The following FGFR1 variants were observed in gnomAD, a reference collection of about 807,000 sequenced individuals.
FGFR1 encodes the protein FGFR1/PLAG1 fusion.
A neutral mutation model predicts 93.7 loss-of-function variants in FGFR1; 18 were observed. The ratio of observed to expected loss-of-function variants is 0.19; its 90% CI spans 0.13 to 0.28. FGFR1 has a LOEUF of 0.28. Ranked by LOEUF, FGFR1 falls within the 10% of genes least tolerant of loss-of-function variation. The pLI, the probability that FGFR1 is intolerant of heterozygous loss-of-function variation, is 1.00. For synonymous variants in FGFR1, 448 were observed against 429.3 expected (o/e 1.04, Z -0.54); for missense variants, 731 against 1,080.4 (o/e 0.68, Z 4.53).
chr8:38,425,498 A>G (rs1037527421), intron 6 of FGFR1, among the ~76,000 whole-genome samples: 10 of 152,044 alleles, frequency 6.6e-5, no homozygotes, highest in Non-Finnish European at 1.2e-4. Context: ...TTCTTAGACC[A>G]TATCATCATA....
intron 2 of FGFR1, among the ~76,000 whole-genome samples, chr8:38,438,835 C>T (rs906839750): frequency 2.0e-5 from 3 of 152,152 alleles, no homozygotes; most frequent in East Asian, 3.9e-4. Context: ...TACCTCCTCC[C>T]GTGAGATTCT....
At chr8:38,455,375 G>A (rs754289467) in intron 2 of FGFR1, among the ~76,000 whole-genome samples, 1 of 152,282 alleles carries the variant, frequency 6.6e-6, no homozygotes, top group Admixed American at 6.5e-5. Context: ...CTGCCTCCCG[G>A]GTTCACGCCA....
At position 38,414,868 on chromosome 8, in the gene FGFR1, G is replaced by A. The variant is rs746123129; in HGVS notation, c.1888C>T (p.Leu630=). The change falls in exon 14 of 18, where the codon CTG becomes TTG. Residue 630 remains leucine (L), a synonymous_variant. Transcript: ENST00000447712. ...IHRDLAARNV[L]VTEDNVMKIA... is the part of the protein sequence containing the mutation. Reference sequence around the variant, plus strand: ...TTCATCACATTGTCCTCTGTCACCAGGACATTCCTGGCTGCCAGGTCTCGG... The same window carrying A: ...TTCATCACATTGTCCTCTGTCACCAAGACATTCCTGGCTGCCAGGTCTCGG... 119 of 1,613,346 alleles carry A rather than the reference G, an allele frequency of 7.4e-5. No homozygotes were observed. The Admixed American group carries it at 1.9e-3, about 26-fold the overall frequency.
rs58594253 is a variant in FGFR1, at chr8:38,423,312, G to GTTTTT, written c.936+1192_936+1196dup. 121 of 360,978 alleles carry GTTTTT rather than the reference G, an allele frequency of 3.4e-4. 1 individual carries two copies. Among genetic ancestry groups the GTTTTT allele is most frequent in the Middle Eastern group, 8.4e-4 (1 of 1,194 alleles). The allele number at this position is 360,978 out of a possible 1,614,324, so 22.4% of individuals were successfully genotyped here. On this transcript the variant is annotated intron_variant, in intron 7 of 17. Coordinates refer to ENST00000447712, the MANE Select transcript of FGFR1 (RefSeq NM_023110.3). ...TGAGATTTATTACCTTTCCCTTTTA[G>GTTTTT]TTTTTTTTTTTTTTTTTTTTTTTAA...
chr8:38,415,342 G>A (rs752377260), intron 13 of FGFR1, among the ~76,000 whole-genome samples: 2 of 152,096 alleles, frequency 1.3e-5, no homozygotes, highest in Non-Finnish European at 2.9e-5. Context: ...CGCCCCGGCT[G>A]GGGTGCAGTG....
In FGFR1 at chr8:38,426,842, G is replaced by A. The variant is rs2150885238; in HGVS notation, c.622-597C>T. Among the ~76,000 whole-genome samples the A allele has an allele frequency of 6.6e-6, 1 of 152,342 alleles. No homozygotes were observed. The highest frequency in any genetic ancestry group is 2.4e-5 in the African/African-American group (1 of 41,592). Reference sequence around the variant, plus strand: ...TTTAAAATATTTCTGGCTGGGTGCGGTGGCTCAAGCCTGTAATCCCAGCTC... The same window carrying A: ...TTTAAAATATTTCTGGCTGGGTGCGATGGCTCAAGCCTGTAATCCCAGCTC... On this transcript the variant is annotated intron_variant, in intron 5 of 17. Transcript: ENST00000447712. This position sits in a 1 kb window ranked among gnomAD's most constrained non-coding sequence, Gnocchi z 4.1.
intron 2 of FGFR1, chr8:38,430,236 A>ACC: frequency 2.2e-6 from 1 of 462,042 alleles, no homozygotes; most frequent in Non-Finnish European, 3.9e-6. Context: ...CATTAAGCGC[A>ACC]TTTCATTTCC....
Position 38,413,538 on chromosome 8 carries a change from G to A in FGFR1, c.*90C>T. 7.0e-7 allele frequency: 1 copy of A among 1,421,316 alleles called. No individual in the cohort carries two copies. The highest frequency in any genetic ancestry group is 9.5e-7 in the Non-Finnish European group (1 of 1,048,996). The allele number at this position is 1,421,316 out of a possible 1,614,324, so 88.0% of individuals were successfully genotyped here. ...GCCGGCTCCTGCCAGCAGGAAAGGG[G>A]ACAGGGACGGACAGGTGGTGGGCCC... On this transcript the variant is annotated 3_prime_UTR_variant, in exon 18 of 18. Transcript: ENST00000447712. The surrounding 1 kb of genome is among the most constrained non-coding windows in gnomAD (Gnocchi z 4.2).
chr8:38,433,177 A>G (rs971813318), intron 2 of FGFR1, among the ~76,000 whole-genome samples: 18 of 152,150 alleles, frequency 1.2e-4, no homozygotes, highest in Non-Finnish European at 2.4e-4. Context: ...GTCTCTACAA[A>G]AAAATTTAAA....
chr8:38,431,660 C>G (rs565900423), intron 2 of FGFR1, among the ~76,000 whole-genome samples: 3 of 152,234 alleles, frequency 2.0e-5, no homozygotes, highest in South Asian at 4.2e-4. Flanking sequence ...CTTGGGGGGG[C>G]CAAGGTTGCA....
At position 38,424,429 on chromosome 8, in the gene FGFR1, C is replaced by G; in HGVS notation, c.936+80G>C. On this transcript the variant is annotated intron_variant, in intron 7 of 17. Coordinates refer to ENST00000447712, the MANE Select transcript of FGFR1 (RefSeq NM_023110.3). The surrounding 1 kb of genome is among the most constrained non-coding windows in gnomAD (Gnocchi z 4.3). ...TGATCCCATTCGGGGGCAACTGAGC[C>G]TGCCCACAGGAACTTGAGCCCCCGA... The G allele has an allele frequency of 6.6e-7, 1 of 1,520,668 alleles. No homozygotes were observed. The highest frequency in any genetic ancestry group is 1.1e-5 in the South Asian group (1 of 88,638). 94.2% of individuals were successfully genotyped at this position (1,520,668 alleles called of 1,614,324 possible). A position where few individuals can be genotyped will look rare whatever the true frequency, so the allele number is the denominator to read the frequency against.
rs776831114 is a variant in FGFR1, at chr8:38,426,291, T to G, written c.622-46A>C. ...GATACATTGAGGGTCCAGAGGAAAATGCAGGCCCCATGACAATGTCGGCAC... is the reference window on the plus strand; with the variant it reads ...GATACATTGAGGGTCCAGAGGAAAAGGCAGGCCCCATGACAATGTCGGCAC... On this transcript the variant is annotated intron_variant, in intron 5 of 17. Transcript: ENST00000447712. This position sits in a 1 kb window ranked among gnomAD's most constrained non-coding sequence, Gnocchi z 4.1. 1 of 1,612,442 alleles carries G rather than the reference T, an allele frequency of 6.2e-7. No individual in the cohort carries two copies. The highest frequency in any genetic ancestry group is 8.5e-7 in the Non-Finnish European group (1 of 1,179,740).
intron 2 of FGFR1, among the ~76,000 whole-genome samples, chr8:38,441,608 T>C (rs1228137608): frequency 1.3e-5 from 2 of 152,204 alleles, no homozygotes; most frequent in East Asian, 3.8e-4. Context: ...AGCATTGCTC[T>C]GGAAAGAGGG....
rs779380483 is a variant in FGFR1, at chr8:38,424,591, G to C, written c.854C>G (p.Pro285Arg). 1 of 1,614,224 alleles carries C rather than the reference G, an allele frequency of 6.2e-7. No homozygotes were observed. Among genetic ancestry groups the C allele is most frequent in the Non-Finnish European group, 8.5e-7 (1 of 1,180,050 alleles). ...GATGTGCTTTAGCCACTGGATGTGC[G>C]GCTGCGGGTCACTGTACACCTTACA... Reference protein sequence around the residue: ...FMCKVYSDPQPHIQWLKHIEV... With the variant: ...FMCKVYSDPQRHIQWLKHIEV... Residue 285 changes from proline (P) to arginine (R), a missense_variant, in exon 7 of 18, where the codon CCG becomes CGG. Around this residue, in one of 10 missense-constraint regions of FGFR1, gnomAD observed 109 missense variants for 249.4 expected, o/e 0.44. Transcript: ENST00000447712. The surrounding 1 kb of genome is among the most constrained non-coding windows in gnomAD (Gnocchi z 4.3).
chr8:38,445,736 A>G (rs1829077793), intron 2 of FGFR1, among the ~76,000 whole-genome samples: 1 of 149,478 alleles, frequency 6.7e-6, no homozygotes, highest in Non-Finnish European at 1.5e-5. Flanking sequence ...TTTAGTAGAG[A>G]CACTATGTTG....
chr8:38,467,860 G>A (rs1004856414), intron 1 of FGFR1, 121 bp downstream of exon 1: 1 of 229,602 alleles, frequency 4.4e-6, no homozygotes, highest in African/African-American at 2.2e-5. Context: ...GCGGCGAGCG[G>A]AGGGAGGCGC....
intron 2 of FGFR1, among the ~76,000 whole-genome samples, chr8:38,433,763 T>C (rs566640035): frequency 6.6e-6 from 1 of 152,380 alleles, no homozygotes; most frequent in South Asian, 2.1e-4. Context: ...TGTTTCTATT[T>C]TATTTAAACA....
chr8:38,411,913 G>T lies in FGFR1; in HGVS notation c.*1715C>A. The stretch of plus-strand genomic sequence containing the variant: ...ATGGATACAGGAAGGACGATCTGGG[G>T]AGGCATACCAACAAGAAACGAAGCC... On this transcript the variant is annotated 3_prime_UTR_variant, in exon 18 of 18. Coordinates refer to ENST00000447712, the MANE Select transcript of FGFR1 (RefSeq NM_023110.3). 4.4e-6 allele frequency: 1 copy of T among 229,778 alleles called. No homozygotes were observed. The highest frequency in any genetic ancestry group is 8.6e-6 in the Non-Finnish European group (1 of 115,822). The allele number at this position is 229,778 out of a possible 1,614,324, so 14.2% of individuals were successfully genotyped here.
chr8:38,419,802 T>C lies in FGFR1; in HGVS notation c.1082-67A>G, dbSNP rs1040544671. 9 of 1,409,110 alleles carry C rather than the reference T, an allele frequency of 6.4e-6. No individual in the cohort carries two copies. The African/African-American group carries it at 1.3e-4, about 20-fold the overall frequency. 87.3% of individuals were successfully genotyped at this position (1,409,110 alleles called of 1,614,324 possible). On this transcript the variant is annotated intron_variant, in intron 8 of 17. Coordinates refer to ENST00000447712, the MANE Select transcript of FGFR1 (RefSeq NM_023110.3). ...CCGTCCATGCGAGGTCCCGCTCCAT[T>C]AGAAAAGCAACACCTGTCTCCTGTC...
Sources: allele counts gnomAD v4.1 joint callset (sites outside exome capture counted in the v4.1 genomes callset), GRCh38; gene constraint gnomAD v4.1.1; regional missense constraint gnomAD v4.1.1; non-coding constraint Gnocchi (gnomAD v3.1); transcripts MANE v1.5; gene names NCBI Gene and HGNC (gene_info 2026-07-23, HGNC 2026-07-21).